Variants in OR52N4 observed in about 807,000 individuals in gnomAD.
OR52N4 encodes the protein olfactory receptor family 52 subfamily N member 4, also known as olfactory receptor 52N4.
A neutral mutation model predicts 15.0 loss-of-function variants in OR52N4; 15 were observed. The observed-to-expected ratio is 1.00, with a 90% CI of 0.67 to 1.54. The LOEUF (loss-of-function observed/expected upper bound fraction) is 1.54, where lower values mean the gene tolerates loss of function less well. Ranked by LOEUF, OR52N4 falls within the 40% of genes most tolerant of loss-of-function variation. The pLI, the probability that OR52N4 is intolerant of heterozygous loss-of-function variation, is 0.00. For synonymous variants in OR52N4, 143 were observed against 143.7 expected, an observed-to-expected ratio of 1.00 and a Z score of 0.03; for missense variants, 421 against 394.0, an observed-to-expected ratio of 1.07 and a Z score of -0.58.
the OR52N4 span, chr11:5,736,786 C>G: frequency 6.2e-7 from 1 of 1,614,064 alleles, no homozygotes; most frequent in East Asian, 2.2e-5. Flanking sequence ...TCCCTAAGAT[C>G]CTGGCCATCT....
upstream of OR52N4, among the ~76,000 whole-genome samples, chr11:5,751,836 T>C (rs1854198845): frequency 6.6e-6 from 1 of 152,142 alleles, no homozygotes; most frequent in Admixed American, 6.6e-5. Flanking sequence ...AAGAGAATAA[T>C]TGTTTGAACA....
the OR52N4 span, among the ~76,000 whole-genome samples, chr11:5,731,222 C>T: frequency 6.6e-5 from 10 of 152,126 alleles, no homozygotes; most frequent in Non-Finnish European, 8.8e-5. Flanking sequence ...GGAATTACTG[C>T]TCTATTACTT....
At chr11:5,737,793 A>G in the OR52N4 span, 1 of 249,510 alleles carries the variant, frequency 4.0e-6, no homozygotes, top group Non-Finnish European at 7.8e-6. Flanking sequence ...ACACACCCAC[A>G]AATACACACA....
At chr11:5,750,245 G>A (rs1372058003), upstream of OR52N4, among the ~76,000 whole-genome samples, 2 of 151,912 alleles carry the variant, frequency 1.3e-5, no homozygotes, top group African/African-American at 4.8e-5. Flanking sequence ...TATTTCACAT[G>A]CAGTGGAACC....
chr11:5,753,746 A>G (rs1207935738), upstream of OR52N4, among the ~76,000 whole-genome samples: 1 of 152,252 alleles, frequency 6.6e-6, no homozygotes, highest in East Asian at 1.9e-4. Flanking sequence ...TAATCCCAGC[A>G]CTTTGGGAGC....
chr11:5,729,257 C>T, the OR52N4 span, among the ~76,000 whole-genome samples: 2 of 150,840 alleles, frequency 1.3e-5, no homozygotes, highest in South Asian at 4.2e-4. Flanking sequence ...GTAGCTAGGA[C>T]TACAGGCACC....
At chr11:5,736,924 T>A in the OR52N4 span, 2 of 1,614,062 alleles carry the variant, frequency 1.2e-6, no homozygotes, top group South Asian at 2.2e-5. Flanking sequence ...TGGCTATTTG[T>A]CACCCTCTTC....
chr11:5,746,814 C>T, the OR52N4 span, among the ~76,000 whole-genome samples: 1 of 151,882 alleles, frequency 6.6e-6, no homozygotes, highest in Non-Finnish European at 1.5e-5. Flanking sequence ...CTGTATTTAC[C>T]ATAAGGGAAA....
At chr11:5,746,763 C>G in the OR52N4 span, among the ~76,000 whole-genome samples, 1 of 152,004 alleles carries the variant, frequency 6.6e-6, no homozygotes, top group African/African-American at 2.4e-5. Context: ...AAAATTAGAA[C>G]CACAGTTTGA....
Position 5,755,252 on chromosome 11 carries a change from G to A in OR52N4, c.512G>A (p.Cys171Tyr), listed in dbSNP as rs368805238. The A allele has an allele frequency of 1.1e-5, 18 of 1,614,032 alleles. No homozygotes were observed. The highest frequency in any genetic ancestry group is 1.5e-5 in the Non-Finnish European group (18 of 1,179,980). The change falls in exon 2 of 2, where the codon TGC (cysteine) becomes TAC (tyrosine). Residue 171 changes from cysteine to tyrosine, a missense_variant. By Grantham distance (194) the Cys-to-Tyr change is radical. Transcript: ENST00000641350. ...FTFLTKLLPYCRGNILPHTYC... is the reference protein window; with the variant it reads ...FTFLTKLLPYYRGNILPHTYC... Reference sequence around the variant, plus strand: ...TTCCTCACCAAGCTCCTGCCCTACTGCAGAGGCAATATACTTCCCCATACC... The same window carrying A: ...TTCCTCACCAAGCTCCTGCCCTACTACAGAGGCAATATACTTCCCCATACC...
At chr11:5,738,202 T>C in the OR52N4 span, 2 of 152,284 alleles carry the variant, frequency 1.3e-5, no homozygotes, top group South Asian at 4.1e-4. Flanking sequence ...TTCAGTTGAA[T>C]TGAGCCAATG....
upstream of OR52N4, among the ~76,000 whole-genome samples, chr11:5,752,068 T>C (rs1018912749): frequency 6.6e-6 from 1 of 152,060 alleles, no homozygotes; most frequent in Non-Finnish European, 1.5e-5. Context: ...CAGTGCGATA[T>C]GAGTAGGAAA....
chr11:5,742,219 G>T, the OR52N4 span, among the ~76,000 whole-genome samples: 1 of 151,954 alleles, frequency 6.6e-6, no homozygotes, highest in Non-Finnish European at 1.5e-5. Flanking sequence ...AGAAACATAG[G>T]TTTATGTAAA....
chr11:5,736,963 A>C, the OR52N4 span: 2 of 1,613,930 alleles, frequency 1.2e-6, no homozygotes, highest in African/African-American at 2.7e-5. Flanking sequence ...CCAGTTCCTT[A>C]ATCTTAAAAG....
At chr11:5,728,902 T>A in the OR52N4 span, among the ~76,000 whole-genome samples, 1 of 152,144 alleles carries the variant, frequency 6.6e-6, no homozygotes, top group South Asian at 2.1e-4. Flanking sequence ...CAATTTTTTT[T>A]ATTATACTTT....
At chr11:5,732,466 C>T in the OR52N4 span, among the ~76,000 whole-genome samples, 7 of 152,126 alleles carry the variant, frequency 4.6e-5, no homozygotes. Flanking sequence ...GAGACTGAAT[C>T]CATCAATATT....
chr11:5,730,536 A>G, the OR52N4 span, among the ~76,000 whole-genome samples: 1 of 152,036 alleles, frequency 6.6e-6, no homozygotes, highest in African/African-American at 2.4e-5. Context: ...GTGTTATATT[A>G]TGACTTACTT....
chr11:5,738,818 T>A, the OR52N4 span, among the ~76,000 whole-genome samples: 1 of 152,290 alleles, frequency 6.6e-6, no homozygotes, highest in Admixed American at 6.5e-5. Context: ...AGGCTTAATC[T>A]ATTATTGTCT....
the OR52N4 span, among the ~76,000 whole-genome samples, chr11:5,734,499 A>G: frequency 2.0e-5 from 3 of 152,144 alleles, no homozygotes; most frequent in African/African-American, 7.2e-5. Context: ...GGGTTAATAT[A>G]TTAACTGTTT....
Sources: allele counts gnomAD v4.1 joint callset (sites outside exome capture counted in the v4.1 genomes callset), GRCh38; gene constraint gnomAD v4.1.1; transcripts MANE v1.5; gene names NCBI Gene and HGNC (gene_info 2026-07-23, HGNC 2026-07-21).